APP: variants seen among roughly 807,000 people sequenced by gnomAD.
APP encodes amyloid beta precursor protein, also known as amyloid-beta precursor protein.
In APP, 31 loss-of-function variants were observed where a neutral mutation model predicts 101.4. That is an observed-to-expected ratio of 0.31 (90% CI 0.23 to 0.41). APP has a LOEUF of 0.41. Ranked by LOEUF, APP falls within the 10% of genes least tolerant of loss-of-function variation. The pLI, the probability that APP is intolerant of heterozygous loss-of-function variation, is 1.00. For missense variants in APP, 839 were observed against 1,003.7 expected, an observed-to-expected ratio of 0.84 and a Z score of 2.22; for synonymous variants, 366 against 364.4, an observed-to-expected ratio of 1.00 and a Z score of -0.05.
At chr21:26,050,954 C>A (rs774461159) in intron 5 of APP, 46 bp downstream of exon 5, 1 of 1,593,926 alleles carries the variant, frequency 6.3e-7, no homozygotes, top group Non-Finnish European at 8.6e-7. Context: ...ATACTCCATA[C>A]AAGATGTTTC....
chr21:26,051,494 T>G (rs1347061895), intron 4 of APP, among the ~76,000 whole-genome samples: 1 of 152,240 alleles, frequency 6.6e-6, no homozygotes, highest in Non-Finnish European at 1.5e-5. Context: ...CAGTCTCCAC[T>G]GGTGAACAGA....
intron 1 of APP, among the ~76,000 whole-genome samples, chr21:26,121,689 C>T (rs901731701): frequency 5.9e-5 from 9 of 152,246 alleles, no homozygotes; most frequent in Middle Eastern, 3.4e-3. Flanking sequence ...CACTAAATAA[C>T]GACACAGCAT....
At chr21:26,112,257 T>C in intron 1 of APP, 111 bp from the exon 2 acceptor site, 20 of 1,168,556 alleles carry the variant, frequency 1.7e-5, no homozygotes, top group Non-Finnish European at 2.5e-5. Flanking sequence ...CATTCTCAAT[T>C]AGGAATCAGC....
chr21:26,015,486 T>A (rs1006947524), intron 6 of APP, among the ~76,000 whole-genome samples: 1 of 152,314 alleles, frequency 6.6e-6, no homozygotes, highest in Admixed American at 6.5e-5. Flanking sequence ...AGGCAAAGAT[T>A]TGAATCTGGA....
intron 6 of APP, among the ~76,000 whole-genome samples, chr21:26,019,248 C>G (rs761567858): frequency 2.0e-5 from 3 of 152,236 alleles, no homozygotes; most frequent in Non-Finnish European, 4.4e-5. Flanking sequence ...CATTGAAGGT[C>G]TCTATATTTT....
At chr21:25,921,440 A>G (rs2146354665) in intron 13 of APP, among the ~76,000 whole-genome samples, 1 of 147,462 alleles carries the variant, frequency 6.8e-6, no homozygotes, top group South Asian at 2.2e-4. Context: ...TGAATCCAGG[A>G]GCTGGTTTTT....
At chr21:25,884,171 G>A (rs1270866704) in intron 17 of APP, among the ~76,000 whole-genome samples, 1 of 152,206 alleles carries the variant, frequency 6.6e-6, no homozygotes, top group Non-Finnish European at 1.5e-5. Flanking sequence ...GAGCCGCCAT[G>A]GCCATGTGCC....
intron 1 of APP, among the ~76,000 whole-genome samples, chr21:26,116,613 C>G (rs2146219806): frequency 6.6e-6 from 1 of 152,258 alleles, no homozygotes; most frequent in East Asian, 1.9e-4. Context: ...AGCATTCCTC[C>G]CCAACAGGGT....
chr21:26,128,250 C>G (rs965473547), intron 1 of APP, among the ~76,000 whole-genome samples: 1 of 152,194 alleles, frequency 6.6e-6, no homozygotes, highest in African/African-American at 2.4e-5. Context: ...TATTTTTAAA[C>G]TATCTAAGAT....
chr21:26,117,900 G>C (rs550561926), intron 1 of APP, among the ~76,000 whole-genome samples: 19 of 152,310 alleles, frequency 1.2e-4, no homozygotes, highest in African/African-American at 3.4e-4. Context: ...ATTCCTTTCA[G>C]AGGAGTAATC....
intron 11 of APP, among the ~76,000 whole-genome samples, chr21:25,958,561 G>GAC: frequency 6.6e-6 from 1 of 152,242 alleles, no homozygotes; most frequent in East Asian, 1.9e-4. Context: ...ACAGGCGTGC[G>GAC]ACCAGTGCAC....
chr21:25,928,609 T>C (rs1034723037), intron 13 of APP: 4 of 152,210 alleles, frequency 2.6e-5, no homozygotes, highest in African/African-American at 7.2e-5. Context: ...ACTGTAGGCA[T>C]TGTCAGCTTT....
chr21:26,000,577 C>T (rs749434071), intron 6 of APP, among the ~76,000 whole-genome samples: 20 of 152,152 alleles, frequency 1.3e-4, no homozygotes, highest in African/African-American at 9.7e-5. Context: ...GGTTATGAAG[C>T]GAAAGTTTAA....
rs201377759 is a variant in APP, at chr21:25,975,112, G to A, written c.1416C>T (p.Ala472=). The A allele has an allele frequency of 6.2e-5, 100 of 1,613,878 alleles. No homozygotes were observed. Among genetic ancestry groups the A allele is most frequent in the Non-Finnish European group, 7.8e-5 (92 of 1,180,006 alleles). Reference sequence around the variant, plus strand: ...GCAGAGCGGTGATGTAGTTCTCCAGGGCCAGGCGGCGGCGGTCATTGAGCA... The same window carrying A: ...GCAGAGCGGTGATGTAGTTCTCCAGAGCCAGGCGGCGGCGGTCATTGAGCA... ...EAMLNDRRRL[A]LENYITALQA... The change falls in exon 11 of 18, where the codon GCC becomes GCT. Residue 472 remains alanine, a synonymous_variant. Coordinates refer to ENST00000346798, the MANE Select transcript of APP (RefSeq NM_000484.4).
intron 16 of APP, among the ~76,000 whole-genome samples, chr21:25,896,382 T>C (rs1345931174): frequency 1.3e-5 from 2 of 152,008 alleles, no homozygotes; most frequent in South Asian, 2.1e-4. Context: ...TTTATGAATA[T>C]TGAAAAGACA....
At chr21:25,984,827 C>G (rs907510598) in intron 8 of APP, among the ~76,000 whole-genome samples, 1 of 152,124 alleles carries the variant, frequency 6.6e-6, no homozygotes, top group African/African-American at 2.4e-5. Flanking sequence ...CATGTTTAGG[C>G]AAACCATATT....
intron 13 of APP, chr21:25,928,751 GC>G (rs2040009443): frequency 1.5e-5 from 1 of 68,818 alleles, no homozygotes; most frequent in Non-Finnish European, 2.7e-5. Context: ...TAATTTTGAT[GC>G]CTTTTTTTTT....
At chr21:25,952,012 C>A (rs185253924) in intron 13 of APP, among the ~76,000 whole-genome samples, 1 of 152,118 alleles carries the variant, frequency 6.6e-6, no homozygotes, top group Admixed American at 6.5e-5. Flanking sequence ...TTCGTTATTG[C>A]AAACTTCTCT....
At chr21:26,113,846 TC>T (rs1370368815) in intron 1 of APP, among the ~76,000 whole-genome samples, 1 of 152,198 alleles carries the variant, frequency 6.6e-6, no homozygotes, top group Non-Finnish European at 1.5e-5. Context: ...ATGTTGTCAA[TC>T]TTACTGAAAT....
Sources: allele counts gnomAD v4.1 joint callset (sites outside exome capture counted in the v4.1 genomes callset), GRCh38; gene constraint gnomAD v4.1.1; transcripts MANE v1.5; gene names NCBI Gene and HGNC (gene_info 2026-07-23, HGNC 2026-07-21).